ACYP2: variants seen among roughly 807,000 people sequenced by gnomAD.
The protein encoded by ACYP2 is acylphosphatase-2.
ACYP2 carries 12 observed loss-of-function variants against 11.2 expected under a neutral mutation model. That is an observed-to-expected ratio of 1.08 (90% CI 0.69 to 1.74). The LOEUF (loss-of-function observed/expected upper bound fraction) is 1.74. Ranked by LOEUF, ACYP2 falls within the 40% of genes most tolerant of loss-of-function variation. The pLI is 0.00. For missense variants in ACYP2, 134 were observed against 101.9 expected (o/e 1.31, Z -1.35); for synonymous variants, 43 against 32.2 (o/e 1.33, Z -1.13).
chr2:54,135,618 A>G, intron 5 of ACYP2, 149 bp downstream of exon 2: 2 of 593,316 alleles, frequency 3.4e-6, no homozygotes, highest in Non-Finnish European at 2.9e-6. Context: ...TTTCTTTGAA[A>G]TTACTGATTG....
intron 6 of ACYP2, among the ~76,000 whole-genome samples, chr2:54,158,757 G>A (rs1682561916): frequency 6.6e-6 from 1 of 152,118 alleles, no homozygotes; most frequent in Admixed American, 6.5e-5. Context: ...GGCTGAGGAA[G>A]TTTTGCTCTC....
intron 4 of ACYP2, chr2:54,115,738 G>T: frequency 6.2e-7 from 1 of 1,612,980 alleles, no homozygotes; most frequent in South Asian, 1.1e-5. Context: ...GGACTACGAG[G>T]TGTTCGGAAG....
intron 4 of ACYP2, among the ~76,000 whole-genome samples, chr2:54,086,877 T>G (rs1490652549): frequency 6.6e-6 from 1 of 152,228 alleles, no homozygotes; most frequent in Non-Finnish European, 1.5e-5. Context: ...TAAATTATAA[T>G]TCTGGGAAGT....
rs896208071 is a variant in ACYP2, at chr2:53,975,757, G to A, written c.62+1947G>A. Reference sequence around the variant, plus strand: ...TGAGGCAGGAGAATCGCTTAAACCCGGGAGGCAGAGGTTGCAGTGAGCCAA... The same window carrying A: ...TGAGGCAGGAGAATCGCTTAAACCCAGGAGGCAGAGGTTGCAGTGAGCCAA... On this transcript the variant is annotated intron_variant, in intron 2 of 6. Transcript: ENST00000607452. Among the ~76,000 whole-genome samples the A allele has an allele frequency of 3.4e-4, 52 of 152,178 alleles. 1 individual carries two copies. The highest frequency in any genetic ancestry group is 6.0e-4 in the Non-Finnish European group (41 of 67,996).
intron 4 of ACYP2, chr2:54,082,656 T>C (rs567698916): frequency 6.6e-6 from 1 of 152,248 alleles, no homozygotes; most frequent in Non-Finnish European, 1.5e-5. Flanking sequence ...GTCTTTAAGC[T>C]TATTTTGTAT....
At chr2:54,142,017 T>TTTGTTGTTGTTGTTG in intron 6 of ACYP2, 1 of 399,736 alleles carries the variant, frequency 2.5e-6, no homozygotes, top group Non-Finnish European at 4.4e-6. Flanking sequence ...GTGTGTATAT[T>TTTGTTGTTGTTGTTG]TTGTTGTTGT....
intron 6 of ACYP2, among the ~76,000 whole-genome samples, chr2:54,259,234 G>A (rs1687680493): frequency 6.6e-6 from 1 of 152,184 alleles, no homozygotes; most frequent in African/African-American, 2.4e-5. Flanking sequence ...TTAACATATT[G>A]TTTGAGATGA....
chr2:53,998,251 T>G (rs967304712), intron 2 of ACYP2, among the ~76,000 whole-genome samples: 1 of 152,110 alleles, frequency 6.6e-6, no homozygotes, highest in Non-Finnish European at 1.5e-5. Flanking sequence ...TCCCCAGGAA[T>G]TGAAGAGTGA....
chr2:54,120,196 A>G (rs1680065805), intron 4 of ACYP2, among the ~76,000 whole-genome samples: 1 of 152,124 alleles, frequency 6.6e-6, no homozygotes, highest in African/African-American at 2.4e-5. Context: ...CCTGTACTTT[A>G]AAAAATCTTC....
chr2:54,096,483 G>A (rs1425121396), intron 4 of ACYP2, among the ~76,000 whole-genome samples: 1 of 152,122 alleles, frequency 6.6e-6, no homozygotes, highest in Non-Finnish European at 1.5e-5. Context: ...AAGGCAGGCG[G>A]CTGGGAGGTG....
chr2:54,214,450 C>G (rs1449923927), intron 6 of ACYP2, among the ~76,000 whole-genome samples: 2 of 152,220 alleles, frequency 1.3e-5, no homozygotes, highest in East Asian at 3.8e-4. Context: ...TTTCAATCTT[C>G]TGCATATGGC....
At chr2:54,266,587 TATC>T (rs1457772450) in intron 6 of ACYP2, among the ~76,000 whole-genome samples, 1 of 130,766 alleles carries the variant, frequency 7.6e-6, no homozygotes, top group East Asian at 2.3e-4. Context: ...GATATCTATC[TATC>T]TTTTTTTTTT....
At chr2:54,034,345 G>C (rs1239770853) in intron 2 of ACYP2, among the ~76,000 whole-genome samples, 2 of 152,166 alleles carry the variant, frequency 1.3e-5, no homozygotes, top group African/African-American at 4.8e-5. Flanking sequence ...GCAGCAGAGT[G>C]AGACTCCAAC....
chr2:54,072,282 C>G (rs1194682683), intron 4 of ACYP2, among the ~76,000 whole-genome samples: 1 of 151,996 alleles, frequency 6.6e-6, no homozygotes, highest in Admixed American at 6.6e-5. Flanking sequence ...CTATTCCAAT[C>G]AAAATCCTAG....
At chr2:54,007,161 A>AAAAG (rs1199396800) in intron 2 of ACYP2, among the ~76,000 whole-genome samples, 134 of 141,330 alleles carry the variant, frequency 9.5e-4, no homozygotes, top group South Asian at 1.9e-3. Flanking sequence ...AAAAAAAAAA[A>AAAAG]AAAGAAAGAA....
intron 2 of ACYP2, among the ~76,000 whole-genome samples, chr2:53,998,831 C>A (rs1672683218): frequency 6.6e-6 from 1 of 151,948 alleles, no homozygotes; most frequent in Non-Finnish European, 1.5e-5. Flanking sequence ...AAAAAATTTC[C>A]CTTCTAATGC....
intron 6 of ACYP2, among the ~76,000 whole-genome samples, chr2:54,287,555 G>C (rs1176366936): frequency 6.6e-6 from 1 of 151,958 alleles, no homozygotes; most frequent in Non-Finnish European, 1.5e-5. Flanking sequence ...GGTTAGAGCA[G>C]GCAGTACAGT....
chr2:54,231,062 C>A (rs1432938914), intron 6 of ACYP2, among the ~76,000 whole-genome samples: 1 of 152,036 alleles, frequency 6.6e-6, no homozygotes, highest in Non-Finnish European at 1.5e-5. Context: ...AACTCCTGAC[C>A]TCAGGTGATC....
At position 54,013,267 on chromosome 2, in the gene ACYP2, G is replaced by C. The variant is rs867814300; in HGVS notation, c.63-37691G>C. Among the ~76,000 whole-genome samples, 12 of 106,098 alleles carry C rather than the reference G, an allele frequency of 1.1e-4. 1 individual carries two copies. The highest frequency in any genetic ancestry group is 4.4e-4 in the African/African-American group (10 of 22,894). The allele number at this position is 106,098 out of a possible 152,430, so 69.6% of individuals were successfully genotyped here. A position where few individuals can be genotyped will look rare whatever the true frequency, so the allele number is the denominator to read the frequency against. The stretch of plus-strand genomic sequence containing the variant: ...ACCACCATCTAATATGTGTGTGTGT[G>C]TGTGTGTGTGTGTGTGTGTGTGTGT... On this transcript the variant is annotated intron_variant, in intron 2 of 6. Transcript: ENST00000607452.
Sources: allele counts gnomAD v4.1 joint callset (sites outside exome capture counted in the v4.1 genomes callset), GRCh38; gene constraint gnomAD v4.1.1; transcripts MANE v1.5; gene names NCBI Gene and HGNC (gene_info 2026-07-23, HGNC 2026-07-21).